Variants in RAB6B observed in about 807,000 individuals in gnomAD.
RAB6B encodes RAB6B, member RAS oncogene family.
RAB6B carries 7 observed loss-of-function variants against 31.2 expected under a neutral mutation model. That is an observed-to-expected ratio of 0.22 (90% CI 0.13 to 0.42). The LOEUF (loss-of-function observed/expected upper bound fraction) is 0.42. Among genes scored for constraint, RAB6B ranks in the 10% least tolerant of loss-of-function variants. The probability of loss-of-function intolerance (pLI) is 1.00; values close to 1 mark genes in which losing one functional copy is unlikely to be tolerated. For missense variants in RAB6B, 149 were observed against 280.6 expected (o/e 0.53, Z 3.35); for synonymous variants, 105 against 104.9 (o/e 1.00, Z -0.01).
chr3:133,841,260 C>T (rs1252010009), intron 4 of RAB6B, 25 bp downstream of exon 4: 19 of 1,612,856 alleles, frequency 1.2e-5, no homozygotes, highest in Admixed American at 5.0e-5. Flanking sequence ...GAGCCACCCT[C>T]CCTTAGGAGC....
intron 2 of RAB6B, among the ~76,000 whole-genome samples, chr3:133,860,065 G>A (rs1285448777): frequency 2.6e-5 from 4 of 152,096 alleles, no homozygotes; most frequent in Admixed American, 1.3e-4. Context: ...TGGGGGGTGC[G>A]GAGGTGCCCA....
At chr3:133,895,209 C>A (rs1469664863) in intron 1 of RAB6B, among the ~76,000 whole-genome samples, 188 bp downstream of exon 1, 1 of 152,142 alleles carries the variant, frequency 6.6e-6, no homozygotes, top group African/African-American at 2.4e-5. Flanking sequence ...GGCTCCAGCG[C>A]CTCCTCCGTC....
intron 2 of RAB6B, among the ~76,000 whole-genome samples, chr3:133,859,758 G>A (rs951749924): frequency 1.3e-5 from 2 of 152,156 alleles, no homozygotes. Flanking sequence ...TGTGTGTGGA[G>A]CTCAGCTCCT....
At chr3:133,891,183 G>A (rs1216846108) in intron 1 of RAB6B, among the ~76,000 whole-genome samples, 1 of 152,166 alleles carries the variant, frequency 6.6e-6, no homozygotes, top group African/African-American at 2.4e-5. Context: ...CTTCCAGGCA[G>A]TGGGGGCCAC....
intron 6 of RAB6B, among the ~76,000 whole-genome samples, chr3:133,837,419 C>G (rs1935752942): frequency 6.6e-6 from 1 of 152,200 alleles, no homozygotes; most frequent in Non-Finnish European, 1.5e-5. Flanking sequence ...AAGATACCTG[C>G]AACACTATGA....
intron 7 of RAB6B, among the ~76,000 whole-genome samples, chr3:133,829,696 T>G (rs138153022): frequency 1.3e-5 from 2 of 152,230 alleles, no homozygotes; most frequent in Non-Finnish European, 2.9e-5. Context: ...TAAGGATGCT[T>G]TTGTGGCTCC....
At chr3:133,886,761 A>G (rs1936553408) in intron 1 of RAB6B, among the ~76,000 whole-genome samples, 1 of 152,222 alleles carries the variant, frequency 6.6e-6, no homozygotes, top group Non-Finnish European at 1.5e-5. Context: ...TTCTGCAATG[A>G]GGGAGGAGAT....
At chr3:133,893,881 T>A (rs1390695685) in intron 1 of RAB6B, among the ~76,000 whole-genome samples, 3 of 152,030 alleles carry the variant, frequency 2.0e-5, no homozygotes, top group Non-Finnish European at 2.9e-5. Context: ...TCTATGAAAC[T>A]GGGATCTATT....
At chr3:133,869,725 C>A (rs1188397988) in intron 1 of RAB6B, among the ~76,000 whole-genome samples, 2 of 152,186 alleles carry the variant, frequency 1.3e-5, no homozygotes, top group Non-Finnish European at 2.9e-5. Flanking sequence ...CTCACACTGA[C>A]ACACTCTGGA....
At chr3:133,841,180 A>G (rs927230155) in intron 4 of RAB6B, 105 bp downstream of exon 4, 6 of 1,028,270 alleles carry the variant, frequency 5.8e-6, no homozygotes, top group African/African-American at 3.2e-5. Context: ...ATGCGTGTGC[A>G]CACACATGCG....
intron 1 of RAB6B, among the ~76,000 whole-genome samples, chr3:133,880,889 G>A (rs1559912876): frequency 6.6e-6 from 1 of 152,214 alleles, no homozygotes; most frequent in African/African-American, 2.4e-5. Context: ...TTCAAGAGTA[G>A]TGATGGCCTT....
chr3:133,865,368 T>G (rs1936223025), intron 1 of RAB6B, among the ~76,000 whole-genome samples: 1 of 152,230 alleles, frequency 6.6e-6, no homozygotes, highest in South Asian at 2.1e-4. Flanking sequence ...GGACGTCTCT[T>G]GGGAATCCTA....
chr3:133,853,277 G>A (rs1936027599), intron 2 of RAB6B, among the ~76,000 whole-genome samples: 1 of 152,120 alleles, frequency 6.6e-6, no homozygotes, highest in Non-Finnish European at 1.5e-5. Flanking sequence ...GGATACACAT[G>A]TGTATGTAAT....
Position 133,841,310 on chromosome 3 carries a change from C to T in RAB6B, c.264G>A (p.Val88=). Residue 88 remains valine (V), a synonymous_variant, in exon 4 of 8, where the codon GTG becomes GTA. Transcript: ENST00000285208. ...LIPSYIRDST[V]AVVVYDITNL... is the part of the protein sequence containing the mutation. ...TTGTGATGTCGTACACCACCACAGC[C>T]ACCGTGGAGTCCCGGATGTAGCTGG... 1.2e-6 allele frequency: 2 copies of T among 1,614,218 alleles called. No homozygotes were observed. Among genetic ancestry groups the T allele is most frequent in the Non-Finnish European group, 1.7e-6 (2 of 1,180,024 alleles).
rs1936209211 is a variant in RAB6B, at chr3:133,864,575, G to C, written c.129+9C>G. Reference sequence around the variant, plus strand: ...AGATGATATGGAGGGTGAGCACCCAGGACCTCACCTGGTATGTGTTGTCGA... The same window carrying C: ...AGATGATATGGAGGGTGAGCACCCACGACCTCACCTGGTATGTGTTGTCGA... On this transcript the variant is annotated intron_variant, in intron 2 of 7. Coordinates refer to ENST00000285208, the MANE Select transcript of RAB6B (RefSeq NM_016577.4). The C allele has an allele frequency of 1.2e-6, 2 of 1,613,356 alleles. No individual in the cohort carries two copies. The highest frequency in any genetic ancestry group is 1.7e-6 in the Non-Finnish European group (2 of 1,179,402).
intron 1 of RAB6B, among the ~76,000 whole-genome samples, chr3:133,873,495 C>T (rs1400003321): frequency 6.6e-6 from 1 of 152,168 alleles, no homozygotes; most frequent in East Asian, 1.9e-4. Context: ...CTGGGAGAGG[C>T]CCCATCCTCA....
At chr3:133,874,163 A>T (rs1208437122) in intron 1 of RAB6B, among the ~76,000 whole-genome samples, 1 of 152,198 alleles carries the variant, frequency 6.6e-6, no homozygotes, top group Non-Finnish European at 1.5e-5. Context: ...CTTTAAGTGG[A>T]TATGCATAGT....
Position 133,828,705 on chromosome 3 carries a change from T to A in RAB6B, c.*83A>T. 1 of 1,426,574 alleles carries A rather than the reference T, an allele frequency of 7.0e-7. No individual in the cohort carries two copies. Among genetic ancestry groups the A allele is most frequent in the Non-Finnish European group, 9.8e-7 (1 of 1,016,002 alleles). The allele number at this position is 1,426,574 out of a possible 1,614,324, so 88.4% of individuals were successfully genotyped here. On this transcript the variant is annotated 3_prime_UTR_variant, in exon 8 of 8. Transcript: ENST00000285208. ...AATCCTCCCATCTTGATAACTCGGT[T>A]CCCTCCCCCCTTAGGAAGCTAGCCA... is the stretch of plus-strand genomic sequence containing the variant.
intron 6 of RAB6B, among the ~76,000 whole-genome samples, chr3:133,836,544 T>C (rs1935738000): frequency 6.6e-6 from 1 of 152,126 alleles, no homozygotes; most frequent in African/African-American, 2.4e-5. Flanking sequence ...GCTAAACCAC[T>C]GCATGGGTTC....
Sources: allele counts gnomAD v4.1 joint callset (sites outside exome capture counted in the v4.1 genomes callset), GRCh38; gene constraint gnomAD v4.1.1; transcripts MANE v1.5; gene names NCBI Gene and HGNC (gene_info 2026-07-23, HGNC 2026-07-21).